The following SOX5 variants were observed in gnomAD, a reference collection of about 807,000 sequenced individuals.
SOX5 encodes the protein transcription factor SOX-5.
SOX5 carries 9 observed loss-of-function variants against 92.0 expected under a neutral mutation model. That is an observed-to-expected ratio of 0.10 (90% CI 0.06 to 0.17). SOX5 has a LOEUF of 0.17. Ranked by LOEUF, SOX5 falls within the 10% of genes least tolerant of loss-of-function variation. The pLI, the probability that SOX5 is intolerant of heterozygous loss-of-function variation, is 1.00. For missense variants in SOX5, 642 were observed against 944.5 expected (o/e 0.68, Z 4.20); for synonymous variants, 344 against 336.3 (o/e 1.02, Z -0.25).
At chr12:23,653,030 A>AGATGGATGGATGGATGGACG (rs1555230872) in intron 7 of SOX5, among the ~76,000 whole-genome samples, 220 of 115,866 alleles carry the variant, frequency 1.9e-3, no homozygotes, top group Middle Eastern at 4.5e-3. Flanking sequence ...ATGTACAGAT[A>AGATGGATGGATGGATGGACG]GATGGATGGA....
chr12:24,217,361 A>G (rs979974746), intron 3 of SOX5, among the ~76,000 whole-genome samples: 1 of 152,234 alleles, frequency 6.6e-6, no homozygotes, highest in Non-Finnish European at 1.5e-5. Context: ...GAACTACAGG[A>G]CACCCAGCTG....
intron 1 of SOX5, among the ~76,000 whole-genome samples, chr12:24,413,133 T>C (rs759020835): frequency 1.3e-5 from 2 of 152,252 alleles, no homozygotes; most frequent in Non-Finnish European, 2.9e-5. Context: ...TTTTACAAAG[T>C]GATTAAACTT....
At chr12:23,773,479 C>A (rs2095000475) in intron 3 of SOX5, among the ~76,000 whole-genome samples, 2 of 152,182 alleles carry the variant, frequency 1.3e-5, no homozygotes, top group Non-Finnish European at 2.9e-5. Flanking sequence ...TCAAGGGAAT[C>A]TCCTGCCTCA....
chr12:23,916,372 A>C (rs1041103451), intron 1 of SOX5, among the ~76,000 whole-genome samples: 1 of 152,226 alleles, frequency 6.6e-6, no homozygotes, highest in Non-Finnish European at 1.5e-5. Flanking sequence ...GTGCAGTTCC[A>C]GGTAGATTTC....
intron 4 of SOX5, among the ~76,000 whole-genome samples, chr12:24,153,025 G>A (rs1333443803): frequency 6.6e-6 from 1 of 152,132 alleles, no homozygotes; most frequent in African/African-American, 2.4e-5. Flanking sequence ...ATGTGGAGCA[G>A]AACCTGACCA....
intron 2 of SOX5, among the ~76,000 whole-genome samples, chr12:24,300,256 G>A (rs1373413281): frequency 6.6e-6 from 1 of 152,154 alleles, no homozygotes; most frequent in Non-Finnish European, 1.5e-5. Flanking sequence ...TGTGGATATA[G>A]GAAAGGGAGA....
intron 10 of SOX5, among the ~76,000 whole-genome samples, chr12:23,570,954 T>A (rs867648248): frequency 0.015 from 682 of 45,110 alleles, 115 homozygotes; most frequent in Non-Finnish European, 0.026. Context: ...TATATATATA[T>A]ATATATATAT....
intron 1 of SOX5, among the ~76,000 whole-genome samples, chr12:24,473,337 C>G (rs1225037453): frequency 1.3e-5 from 2 of 152,188 alleles, no homozygotes; most frequent in African/African-American, 4.8e-5. Context: ...GCTACCCTGC[C>G]CCCATGAAGT....
At chr12:24,449,716 A>G (rs1941989482) in intron 1 of SOX5, among the ~76,000 whole-genome samples, 3 of 152,226 alleles carry the variant, frequency 2.0e-5, no homozygotes, top group African/African-American at 7.2e-5. Flanking sequence ...AAAATCTTCT[A>G]GATCTTTTCT....
At chr12:23,950,010 C>A (rs138752910), upstream of SOX5, among the ~76,000 whole-genome samples, 20 of 151,972 alleles carry the variant, frequency 1.3e-4, no homozygotes, top group Middle Eastern at 0.01. Context: ...TCATTTAACA[C>A]GTCTCCCATA....
intron 3 of SOX5, among the ~76,000 whole-genome samples, chr12:23,820,381 C>T (rs1440311553): frequency 6.6e-6 from 1 of 152,158 alleles, no homozygotes; most frequent in Non-Finnish European, 1.5e-5. Flanking sequence ...GTTGCATGTT[C>T]ACTCTGATGA....
At chr12:24,144,951 C>T (rs568679376) in intron 4 of SOX5, among the ~76,000 whole-genome samples, 21 of 151,986 alleles carry the variant, frequency 1.4e-4, no homozygotes, top group African/African-American at 5.1e-4. Flanking sequence ...AAAAATTAGC[C>T]AGACATGGTG....
Position 23,965,414 on chromosome 12 carries a change from CCA to C in SOX5, c.-1-69392_-1-69391del, listed in dbSNP as rs767611932. On this transcript the variant is annotated intron_variant, in intron 4 of 4. Coordinates refer to the SOX5 transcript ENST00000446891. ...GATCCTGCCTCCTCCACACCAGCCA[CCA>C]CAGTTAGATGGGGGGGACCTCAGGC... 3.0e-4 allele frequency among the ~76,000 whole-genome samples: 46 copies of C among 152,222 alleles called. No individual in the cohort carries two copies. In the Middle Eastern group the frequency reaches 0.01, roughly 34 times the overall value.
In SOX5 at chr12:24,171,541, A is replaced by C. The variant is rs534118611; in HGVS notation, c.-2+41802T>G. 4.7e-4 allele frequency among the ~76,000 whole-genome samples: 72 copies of C among 152,226 alleles called. 2 individuals carry two copies. Among genetic ancestry groups the C allele is most frequent in the South Asian group, 2.3e-3 (11 of 4,830 alleles). ...CCTGGCCAGCCAACAGACAGTTTTT[A>C]AAGTGTTGACTATGATTTGCTCAGA... On this transcript the variant is annotated intron_variant, in intron 4 of 4. Coordinates refer to the SOX5 transcript ENST00000446891.
intron 8 of SOX5, among the ~76,000 whole-genome samples, chr12:23,610,812 A>G (rs1027653880): frequency 1.3e-5 from 2 of 152,116 alleles, no homozygotes; most frequent in Admixed American, 1.3e-4. Context: ...CATAACAGTA[A>G]CTGAATGTCT....
intron 6 of SOX5, among the ~76,000 whole-genome samples, chr12:23,680,034 T>A (rs1391880658): frequency 6.7e-6 from 1 of 150,222 alleles, no homozygotes; most frequent in African/African-American, 2.4e-5. Context: ...AAATGAAAAA[T>A]ATAATAACAG....
At chr12:23,710,377 C>T (rs1278887948) in intron 6 of SOX5, among the ~76,000 whole-genome samples, 1 of 152,136 alleles carries the variant, frequency 6.6e-6, no homozygotes, top group East Asian at 1.9e-4. Context: ...TCTCCTAATG[C>T]TTTCCCTCCC....
intron 4 of SOX5, among the ~76,000 whole-genome samples, chr12:24,175,069 G>A (rs988351192): frequency 1.3e-5 from 2 of 152,146 alleles, no homozygotes; most frequent in African/African-American, 2.4e-5. Context: ...AGAGTTGTCC[G>A]AAAACTACAT....
intron 1 of SOX5, among the ~76,000 whole-genome samples, chr12:24,422,574 A>G (rs1966098891): frequency 6.6e-6 from 1 of 152,242 alleles, no homozygotes; most frequent in Admixed American, 6.5e-5. Flanking sequence ...GCACAGTTTC[A>G]TAACTTATTC....
Sources: gnomAD v4.1 joint callset for allele counts (sites outside exome capture counted in the v4.1 genomes callset) on GRCh38, gnomAD v4.1.1 for gene constraint, MANE v1.5 for transcripts, NCBI Gene and HGNC (gene_info 2026-07-23, HGNC 2026-07-21) for gene names.